Variants in EPB41L2 observed in about 807,000 individuals in gnomAD.
EPB41L2 encodes band 4.1-like protein 2.
EPB41L2 carries 43 observed loss-of-function variants against 113.0 expected under a neutral mutation model. That is an observed-to-expected ratio of 0.38 (90% CI 0.30 to 0.49). The LOEUF (loss-of-function observed/expected upper bound fraction) is 0.49, where lower values mean the gene tolerates loss of function less well. EPB41L2 is among the 20% of genes least tolerant of loss of function. The pLI, the probability that EPB41L2 is intolerant of heterozygous loss-of-function variation, is 0.95. For synonymous variants in EPB41L2, 442 were observed against 436.7 expected (o/e 1.01, Z -0.15); for missense variants, 1,147 against 1,223.4 (o/e 0.94, Z 0.93).
chr6:130,910,688 AT>A (rs1310456204), intron 4 of EPB41L2, among the ~76,000 whole-genome samples: 1 of 152,234 alleles, frequency 6.6e-6, no homozygotes, highest in Non-Finnish European at 1.5e-5. Flanking sequence ...CAAGAAAAAA[AT>A]AACTCCATCA....
intron 1 of EPB41L2, among the ~76,000 whole-genome samples, chr6:131,053,185 C>T (rs1198850888): frequency 6.6e-6 from 1 of 151,650 alleles, no homozygotes; most frequent in Non-Finnish European, 1.5e-5. Flanking sequence ...CATGAATCAC[C>T]GTGCCCAGCA....
In EPB41L2 at chr6:130,931,847, G is replaced by T. The variant is rs556165304; in HGVS notation, c.706-5138C>A. ...AGAATCACCAATTCTTAACAATACGGAAGAAAAGTACTGCAGTATAATCAC... is the reference window on the plus strand; with the variant it reads ...AGAATCACCAATTCTTAACAATACGTAAGAAAAGTACTGCAGTATAATCAC... On this transcript the variant is annotated intron_variant, in intron 3 of 19. Coordinates refer to ENST00000337057, the MANE Select transcript of EPB41L2 (RefSeq NM_001431.4). 3.9e-5 allele frequency among the ~76,000 whole-genome samples: 6 copies of T among 151,998 alleles called. No homozygotes were observed. The South Asian group carries it at 8.3e-4, about 21-fold the overall frequency.
intron 1 of EPB41L2, among the ~76,000 whole-genome samples, chr6:131,029,657 A>G (rs1278405393): frequency 6.6e-6 from 1 of 152,238 alleles, no homozygotes; most frequent in Non-Finnish European, 1.5e-5. Context: ...AATGTGATTT[A>G]CATGTCAAAG....
At chr6:130,901,893 T>C (rs929463096) in intron 6 of EPB41L2, among the ~76,000 whole-genome samples, 29 of 152,240 alleles carry the variant, frequency 1.9e-4, no homozygotes, top group African/African-American at 6.5e-4. Flanking sequence ...TAAGAATCAA[T>C]AACTAGTAGC....
chr6:130,862,810 T>C (rs1782577220), intron 18 of EPB41L2, among the ~76,000 whole-genome samples: 1 of 152,204 alleles, frequency 6.6e-6, no homozygotes, highest in African/African-American at 2.4e-5. Flanking sequence ...TTCTCTAAAA[T>C]TTTCTTTCCT....
At chr6:130,860,155 G>A (rs942304811) in intron 18 of EPB41L2, among the ~76,000 whole-genome samples, 6 of 152,258 alleles carry the variant, frequency 3.9e-5, no homozygotes, top group Non-Finnish European at 7.3e-5. Context: ...GGTTTGTGCA[G>A]TCCACACTGG....
chr6:130,917,507 T>C (rs1801500595), intron 4 of EPB41L2, among the ~76,000 whole-genome samples: 2 of 152,278 alleles, frequency 1.3e-5, no homozygotes, highest in South Asian at 4.1e-4. Context: ...ACAAGAATCC[T>C]GTTAGCTTGG....
intron 3 of EPB41L2, among the ~76,000 whole-genome samples, chr6:130,936,308 T>G (rs1187865864): frequency 6.6e-6 from 1 of 152,230 alleles, no homozygotes; most frequent in Non-Finnish European, 1.5e-5. Flanking sequence ...GGGAAATAAG[T>G]TCACCTTTGA....
At chr6:130,937,821 G>GAAAAAAAAAAAAA (rs66505919) in intron 3 of EPB41L2, among the ~76,000 whole-genome samples, 20 of 129,814 alleles carry the variant, frequency 1.5e-4, no homozygotes, top group African/African-American at 5.8e-4. Context: ...ATCTCAAAAA[G>GAAAAAAAAAAAAA]AAAAAAAAAA....
At chr6:131,002,874 G>C (rs1176110987) in intron 1 of EPB41L2, among the ~76,000 whole-genome samples, 1 of 152,096 alleles carries the variant, frequency 6.6e-6, no homozygotes, top group East Asian at 1.9e-4. Flanking sequence ...TTTAACCCTC[G>C]GGGTCAATGA....
intron 4 of EPB41L2, among the ~76,000 whole-genome samples, chr6:130,911,574 C>T (rs1000872631): frequency 5.9e-5 from 9 of 151,712 alleles, no homozygotes; most frequent in Admixed American, 6.6e-5. Flanking sequence ...GTTAAATAAA[C>T]TCTCCAACTA....
chr6:130,869,411 A>T, intron 15 of EPB41L2, 152 bp downstream of exon 15: 2 of 753,722 alleles, frequency 2.7e-6, no homozygotes, highest in Non-Finnish European at 4.2e-6. Flanking sequence ...AAAATCCACA[A>T]AGCAGTGCTT....
chr6:130,894,782 C>CT (rs1794084311), intron 9 of EPB41L2, among the ~76,000 whole-genome samples, 185 bp downstream of exon 9: 1 of 151,990 alleles, frequency 6.6e-6, no homozygotes, highest in Non-Finnish European at 1.5e-5. Flanking sequence ...GTGATGGTTG[C>CT]TTTTTTTAAA....
At chr6:131,044,319 C>T (rs1413838201) in intron 1 of EPB41L2, among the ~76,000 whole-genome samples, 1 of 151,582 alleles carries the variant, frequency 6.6e-6, no homozygotes, top group East Asian at 1.9e-4. Context: ...AGCCACAGCA[C>T]CCAGCCAATA....
chr6:130,860,158 C>T (rs1323805114), intron 18 of EPB41L2, among the ~76,000 whole-genome samples: 1 of 152,186 alleles, frequency 6.6e-6, no homozygotes, highest in Non-Finnish European at 1.5e-5. Context: ...TTGTGCAGTC[C>T]ACACTGGGAA....
At chr6:130,947,802 A>G (rs1461331551) in intron 3 of EPB41L2, among the ~76,000 whole-genome samples, 1 of 152,248 alleles carries the variant, frequency 6.6e-6, no homozygotes, top group Non-Finnish European at 1.5e-5. Context: ...TAAGCAAGCA[A>G]CGGGAAAATC....
intron 19 of EPB41L2, among the ~76,000 whole-genome samples, chr6:130,846,880 T>C (rs1351313645): frequency 6.6e-6 from 1 of 152,246 alleles, no homozygotes; most frequent in Non-Finnish European, 1.5e-5. Context: ...TATGATATTT[T>C]ACTCCTGGCT....
chr6:131,043,692 T>C (rs1794878952), intron 1 of EPB41L2, among the ~76,000 whole-genome samples: 2 of 152,198 alleles, frequency 1.3e-5, no homozygotes, highest in African/African-American at 4.8e-5. Context: ...TAAGAGACTA[T>C]GAAAGAAACA....
intron 1 of EPB41L2, among the ~76,000 whole-genome samples, chr6:130,989,471 A>AC (rs1781339054): frequency 1.3e-5 from 1 of 77,974 alleles, no homozygotes; most frequent in Non-Finnish European, 2.6e-5. Flanking sequence ...GGCTGAGTAG[A>AC]AAAAAAAAAT....
Sources: allele counts gnomAD v4.1 joint callset (sites outside exome capture counted in the v4.1 genomes callset), GRCh38; gene constraint gnomAD v4.1.1; transcripts MANE v1.5; gene names NCBI Gene and HGNC (gene_info 2026-07-23, HGNC 2026-07-21).